Variants in CUX2 observed in about 807,000 individuals in gnomAD.
The protein encoded by CUX2 is homeobox protein cut-like 2.
Under a neutral mutation model 144.8 loss-of-function variants are expected in CUX2, and 40 were observed. The ratio of observed to expected loss-of-function variants is 0.28; its 90% CI spans 0.21 to 0.36. The LOEUF is 0.36. CUX2 is among the 10% of genes least tolerant of loss of function. The pLI is 1.00. For synonymous variants in CUX2, 827 were observed against 875.6 expected (o/e 0.94, Z 0.98); for missense variants, 1,615 against 1,994.0 (o/e 0.81, Z 3.62).
chr12:111,136,151 C>T (rs572006298), intron 1 of CUX2, among the ~76,000 whole-genome samples: 17 of 151,702 alleles, frequency 1.1e-4, no homozygotes, highest in Middle Eastern at 6.8e-3. Context: ...GGATTGGAGC[C>T]GGGACCCCAT....
At chr12:111,103,194 C>T (rs1317433371) in intron 1 of CUX2, among the ~76,000 whole-genome samples, 2 of 152,120 alleles carry the variant, frequency 1.3e-5, no homozygotes, top group Non-Finnish European at 2.9e-5. Context: ...TCAACCAATG[C>T]TTGTTGGATG....
intron 1 of CUX2, among the ~76,000 whole-genome samples, chr12:111,086,840 G>A (rs940671021): frequency 2.0e-5 from 3 of 152,186 alleles, no homozygotes; most frequent in Non-Finnish European, 4.4e-5. Flanking sequence ...GCTGAGGCAA[G>A]AGGATCACTC....
chr12:111,294,091 T>C (rs1022394063), intron 6 of CUX2, among the ~76,000 whole-genome samples: 2 of 152,232 alleles, frequency 1.3e-5, no homozygotes, highest in African/African-American at 4.8e-5. Flanking sequence ...CCCGACACTT[T>C]GGGAAGCCGA....
chr12:111,076,498 T>G (rs1281523845), intron 1 of CUX2, among the ~76,000 whole-genome samples: 1 of 152,208 alleles, frequency 6.6e-6, no homozygotes, highest in Non-Finnish European at 1.5e-5. Flanking sequence ...GAGCCGGGAT[T>G]TGAATTCTGT....
At chr12:111,163,464 T>C (rs1159877743) in intron 1 of CUX2, among the ~76,000 whole-genome samples, 30 of 152,132 alleles carry the variant, frequency 2.0e-4, no homozygotes, top group Non-Finnish European at 5.9e-5. Context: ...AGAAAAGTGT[T>C]TTTACCTGCG....
intron 3 of CUX2, among the ~76,000 whole-genome samples, chr12:111,249,726 G>A (rs1050976645): frequency 6.6e-6 from 1 of 152,038 alleles, no homozygotes; most frequent in African/African-American, 2.4e-5. Flanking sequence ...CCAAAGTGCT[G>A]GGATTACTGG....
At chr12:111,323,656 G>A (rs532789444) in intron 18 of CUX2, among the ~76,000 whole-genome samples, 13 of 152,152 alleles carry the variant, frequency 8.5e-5, no homozygotes, top group Non-Finnish European at 1.6e-4. Flanking sequence ...AGTTGGAATG[G>A]TACGTACCTG....
intron 3 of CUX2, among the ~76,000 whole-genome samples, chr12:111,219,806 C>T (rs1184096483): frequency 6.6e-6 from 1 of 152,158 alleles, no homozygotes; most frequent in Non-Finnish European, 1.5e-5. Context: ...AGCTACTTAA[C>T]CTCTCTGTGC....
intron 1 of CUX2, among the ~76,000 whole-genome samples, chr12:111,180,369 G>A (rs1226306592): frequency 2.0e-5 from 3 of 152,092 alleles, no homozygotes; most frequent in Non-Finnish European, 4.4e-5. Flanking sequence ...GGACCCTTAA[G>A]AATTGCTCCT....
intron 15 of CUX2, among the ~76,000 whole-genome samples, chr12:111,311,603 A>T (rs3062392): frequency 0.24 from 31,468 of 129,966 alleles, 5,293 homozygotes; most frequent in East Asian, 0.74. Flanking sequence ...TATTATTATT[A>T]TTTTTTTTTT....
chr12:111,291,753 C>A (rs1033074089), intron 5 of CUX2, among the ~76,000 whole-genome samples: 2 of 152,092 alleles, frequency 1.3e-5, no homozygotes, highest in Non-Finnish European at 2.9e-5. Context: ...AAAATCCTGC[C>A]CTTGTGGTGA....
At position 111,328,975 on chromosome 12, in the gene CUX2, C is replaced by CTCTCTCTCTCT. The variant is rs1491501890; in HGVS notation, c.2927-5466_2927-5465insTCTCTCTCTCT. ...TCTCTCTCTCTCTCTCTCTCTCTCT[C>CTCTCTCTCTCT]CCCCTCTCTCCCTCTCTCCCTCTCC... On this transcript the variant is annotated intron_variant, in intron 18 of 21. Transcript: ENST00000261726. Among the ~76,000 whole-genome samples the CTCTCTCTCTCT allele has an allele frequency of 1.6e-3, 107 of 65,638 alleles. 1 individual carries two copies. The highest frequency in any genetic ancestry group is 4.6e-3 in the African/African-American group (38 of 8,262). The allele number at this position is 65,638 out of a possible 152,430, so 43.1% of individuals were successfully genotyped here.
chr12:111,049,913 G>A lies in CUX2; in HGVS notation c.63+15673G>A, dbSNP rs1592849243. On this transcript the variant is annotated intron_variant, in intron 1 of 21. Transcript: ENST00000261726. ...GGGCTCCCTGGTTTTACTGTTCAGT[G>A]CAGATTAGCAGCCCCTAACCTCTGC... 3.3e-5 allele frequency among the ~76,000 whole-genome samples: 5 copies of A among 152,194 alleles called. No individual in the cohort carries two copies. In the East Asian group the frequency reaches 7.7e-4, roughly 23 times the overall value.
chr12:111,314,639 T>TAAAAAAAAAAAAAAAAAA (rs954472479), intron 16 of CUX2, among the ~76,000 whole-genome samples: 4 of 23,228 alleles, frequency 1.7e-4, no homozygotes, highest in African/African-American at 6.5e-4. Flanking sequence ...AAACTCAGTC[T>TAAAAAAAAAAAAAAAAAA]AAAAAAAAAA....
chr12:111,281,673 G>A (rs1592913879), intron 4 of CUX2, among the ~76,000 whole-genome samples: 1 of 152,364 alleles, frequency 6.6e-6, no homozygotes, highest in South Asian at 2.1e-4. Context: ...AAATGCACCA[G>A]CACCAGTCAC....
chr12:111,226,878 GA>G (rs1882175792), intron 3 of CUX2, among the ~76,000 whole-genome samples: 1 of 152,242 alleles, frequency 6.6e-6, no homozygotes, highest in Non-Finnish European at 1.5e-5. Flanking sequence ...TTTCGTGTAT[GA>G]AAATTTACAA....
rs115087688 is a variant in CUX2, at chr12:111,153,256, A to T, written c.64-60944A>T. Among the ~76,000 whole-genome samples the T allele has an allele frequency of 5.0e-3, 764 of 152,292 alleles. 6 individuals carry two copies. Among genetic ancestry groups the T allele is most frequent in the African/African-American group, 0.017 (709 of 41,554 alleles). ...ATTTATTCACTTATTTATTCATTCA[A>T]TAAGCGTATTATGATAAGCCAGGCA... On this transcript the variant is annotated intron_variant, in intron 1 of 21. Coordinates refer to ENST00000261726, the MANE Select transcript of CUX2 (RefSeq NM_015267.4).
At chr12:111,158,756 T>C (rs1309333584) in intron 1 of CUX2, among the ~76,000 whole-genome samples, 1 of 152,110 alleles carries the variant, frequency 6.6e-6, no homozygotes, top group Non-Finnish European at 1.5e-5. Context: ...TAAAACTTTC[T>C]ACTTAAAGAA....
intron 1 of CUX2, among the ~76,000 whole-genome samples, chr12:111,132,171 C>T (rs1421749727): frequency 6.6e-6 from 1 of 152,236 alleles, no homozygotes; most frequent in African/African-American, 2.4e-5. Context: ...GCAGGCTCAA[C>T]ACCCTGTGGA....
Sources: gnomAD v4.1 joint callset for allele counts (sites outside exome capture counted in the v4.1 genomes callset) on GRCh38, gnomAD v4.1.1 for gene constraint, MANE v1.5 for transcripts, NCBI Gene and HGNC (gene_info 2026-07-23, HGNC 2026-07-21) for gene names.